CDKAL1: variants seen among roughly 807,000 people sequenced by gnomAD.
CDKAL1 encodes threonylcarbamoyladenosine tRNA methylthiotransferase.
Under a neutral mutation model 68.2 loss-of-function variants are expected in CDKAL1, and 32 were observed. The ratio of observed to expected loss-of-function variants is 0.47; its 90% confidence interval spans 0.35 to 0.63. The LOEUF is 0.63. Among genes scored for constraint, CDKAL1 ranks in the 30% least tolerant of loss-of-function variants. The pLI, the probability that CDKAL1 is intolerant of heterozygous loss-of-function variation, is 0.00. For missense variants in CDKAL1, 606 were observed against 696.7 expected (o/e 0.87, Z 1.47); for synonymous variants, 234 against 244.3 (o/e 0.96, Z 0.39).
intron 15 of CDKAL1, among the ~76,000 whole-genome samples, chr6:21,203,691 CTTTTTT>C (rs915087377): frequency 1.1e-5 from 1 of 94,132 alleles, no homozygotes; most frequent in Non-Finnish European, 2.1e-5. Context: ...CACTTGACCT[CTTTTTT>C]TTTTTTTTTT....
chr6:21,093,500 T>C (rs575836343), intron 12 of CDKAL1, among the ~76,000 whole-genome samples: 1 of 152,200 alleles, frequency 6.6e-6, no homozygotes, highest in South Asian at 2.1e-4. Context: ...GGGACAGCCA[T>C]GTATCAGAGC....
rs768163638 is a variant in CDKAL1 at position 21,230,998 on chromosome 6, C to G, written c.1699C>G (p.Leu567Val). The change falls in exon 16 of 16, where the codon CTG (leucine) becomes GTG (valine). Residue 567 changes from leucine (L) to valine (V), a missense_variant. Physicochemically the swap from Leu to Val is conservative, Grantham distance 32. Coordinates refer to ENST00000274695, the MANE Select transcript of CDKAL1 (RefSeq NM_017774.3). ...GAGGATGTCCGTGGGCTTGGCTCTG[C>G]TGGGTCTTCTTTTTGCTTTTTTTGT... ...ALRMSVGLAL[L>V]GLLFAFFVKV... is the part of the protein sequence containing the mutation. 1 of 1,610,326 alleles carries G rather than the reference C, an allele frequency of 6.2e-7. No homozygotes were observed. The highest frequency in any genetic ancestry group is 8.5e-7 in the Non-Finnish European group (1 of 1,177,330).
intron 12 of CDKAL1, among the ~76,000 whole-genome samples, chr6:21,108,176 GGTCAC>G (rs1221542613): frequency 1.3e-5 from 2 of 151,728 alleles, no homozygotes; most frequent in African/African-American, 4.8e-5. Flanking sequence ...TCTAGGAAGA[GGTCAC>G]CTGGTTGCTC....
At chr6:20,905,055 AAAC>A (rs1762174327) in intron 9 of CDKAL1, among the ~76,000 whole-genome samples, 1 of 152,194 alleles carries the variant, frequency 6.6e-6, no homozygotes, top group Non-Finnish European at 1.5e-5. Flanking sequence ...GGATACAAAG[AAAC>A]AAGAAAATGT....
chr6:21,210,190 G>A (rs1779098318), intron 15 of CDKAL1, among the ~76,000 whole-genome samples: 1 of 152,184 alleles, frequency 6.6e-6, no homozygotes, highest in African/African-American at 2.4e-5. Flanking sequence ...TACAGAAGTT[G>A]GAGATACCAT....
At chr6:20,957,008 TAAAAAAAAAA>T (rs70990087) in intron 10 of CDKAL1, among the ~76,000 whole-genome samples, 2 of 113,836 alleles carry the variant, frequency 1.8e-5, no homozygotes, top group African/African-American at 6.9e-5. Flanking sequence ...TGATTCTCTG[TAAAAAAAAAA>T]AAAAAAAAAA....
At chr6:20,816,120 T>TCC (rs113420828) in intron 8 of CDKAL1, among the ~76,000 whole-genome samples, 2 of 86,546 alleles carry the variant, frequency 2.3e-5, no homozygotes, top group African/African-American at 4.6e-5. Context: ...CCTTAATATG[T>TCC]CCCCCCCCCC....
At chr6:20,927,684 A>G (rs897285936) in intron 9 of CDKAL1, among the ~76,000 whole-genome samples, 7 of 152,160 alleles carry the variant, frequency 4.6e-5, no homozygotes, top group African/African-American at 1.4e-4. Flanking sequence ...TAAAACAGGA[A>G]TGTGCTTTTT....
chr6:20,860,033 TATC>T (rs1369992299), intron 9 of CDKAL1, among the ~76,000 whole-genome samples: 1 of 152,188 alleles, frequency 6.6e-6, no homozygotes, highest in Non-Finnish European at 1.5e-5. Flanking sequence ...TCTTATTCTC[TATC>T]ATATCACTCT....
chr6:20,734,863 CTTTTTTTTT>C (rs34104100), intron 5 of CDKAL1, among the ~76,000 whole-genome samples: 13 of 87,724 alleles, frequency 1.5e-4, no homozygotes, highest in African/African-American at 4.0e-4. Flanking sequence ...TGCTGCACCT[CTTTTTTTTT>C]TTTTTTTTTT....
chr6:20,547,013 A>AT (rs1000939965), intron 3 of CDKAL1, among the ~76,000 whole-genome samples: 35 of 146,398 alleles, frequency 2.4e-4, no homozygotes, highest in East Asian at 3.9e-4. Context: ...CAGATATCAC[A>AT]TTTTTTTTTT....
At chr6:20,669,173 T>C (rs574712914) in intron 5 of CDKAL1, among the ~76,000 whole-genome samples, 3 of 152,184 alleles carry the variant, frequency 2.0e-5, no homozygotes, top group Non-Finnish European at 2.9e-5. Flanking sequence ...TGTGCACATA[T>C]CCTATTTCTC....
intron 11 of CDKAL1, among the ~76,000 whole-genome samples, chr6:21,060,726 A>G (rs1352493128): frequency 2.0e-5 from 3 of 152,118 alleles, no homozygotes; most frequent in East Asian, 1.9e-4. Flanking sequence ...TCAGTTCAAG[A>G]TATTTTTCTC....
intron 4 of CDKAL1, among the ~76,000 whole-genome samples, chr6:20,632,276 G>C (rs1022549416): frequency 1.2e-4 from 19 of 152,214 alleles, no homozygotes; most frequent in African/African-American, 4.6e-4. Context: ...TCTTGATCGT[G>C]TGGCTGACTG....
chr6:20,631,520 A>C (rs1392215493), intron 4 of CDKAL1, among the ~76,000 whole-genome samples: 2 of 152,114 alleles, frequency 1.3e-5, no homozygotes, highest in African/African-American at 4.8e-5. Flanking sequence ...GTCAGTCAGT[A>C]AGTTCTTTTA....
chr6:20,781,257 C>A lies in CDKAL1; in HGVS notation c.630C>A (p.Ile210=), dbSNP rs759229185. 3.1e-6 allele frequency: 5 copies of A among 1,611,976 alleles called. No individual in the cohort carries two copies. The South Asian group carries it at 5.5e-5, about 18-fold the overall frequency. Reference sequence around the variant, plus strand: ...ATCCACTGATAGAAATCATTTCCATCAATACCGGGTAAGCATCTCTCAAAC... The same window carrying A: ...ATCCACTGATAGAAATCATTTCCATAAATACCGGGTAAGCATCTCTCAAAC... ...RKNPLIEIIS[I]NTGCLNACTY... Residue 210 remains isoleucine (I), a synonymous_variant, in exon 8 of 16, where the codon ATC becomes ATA. Coordinates refer to ENST00000274695, the MANE Select transcript of CDKAL1 (RefSeq NM_017774.3).
intron 13 of CDKAL1, among the ~76,000 whole-genome samples, chr6:21,194,421 T>C (rs1296638928): frequency 1.3e-5 from 2 of 152,182 alleles, no homozygotes; most frequent in African/African-American, 4.8e-5. Flanking sequence ...GTAGAGTCTC[T>C]TTAAGACAAA....
At chr6:20,679,988 G>T (rs1467525977) in intron 5 of CDKAL1, among the ~76,000 whole-genome samples, 2 of 149,110 alleles carry the variant, frequency 1.3e-5, no homozygotes, top group Admixed American at 6.6e-5. Flanking sequence ...TTTTTTGCTG[G>T]GACTCTAGTT....
chr6:20,607,482 C>G (rs982428405), intron 4 of CDKAL1, among the ~76,000 whole-genome samples: 3 of 151,840 alleles, frequency 2.0e-5, no homozygotes, highest in South Asian at 2.1e-4. Context: ...CAAATAAAAT[C>G]ATGTGACCCT....
Sources: allele counts gnomAD v4.1 joint callset (sites outside exome capture counted in the v4.1 genomes callset), GRCh38; gene constraint gnomAD v4.1.1; transcripts MANE v1.5; gene names NCBI Gene and HGNC (gene_info 2026-07-23, HGNC 2026-07-21).